The following CEP128 variants were observed in gnomAD, a reference collection of about 807,000 sequenced individuals.
CEP128 encodes the protein centrosomal protein 128.
CEP128 carries 132 observed loss-of-function variants against 156.7 expected under a neutral mutation model. The observed-to-expected ratio is 0.84, with a 90% CI of 0.73 to 0.97. The LOEUF (loss-of-function observed/expected upper bound fraction) is 0.97. Ranked by LOEUF, CEP128 falls within the 50% of genes least tolerant of loss-of-function variation. The pLI is 0.00. For synonymous variants in CEP128, 469 were observed against 448.9 expected (o/e 1.04, Z -0.57); for missense variants, 1,252 against 1,281.9 (o/e 0.98, Z 0.36).
At chr14:80,623,646 C>T (rs1290472468) in intron 19 of CEP128, among the ~76,000 whole-genome samples, 1 of 151,542 alleles carries the variant, frequency 6.6e-6, no homozygotes, top group Admixed American at 6.6e-5. Context: ...GGTCCAATTA[C>T]TATTCCTTTG....
At chr14:80,510,536 T>C (rs975080923) in intron 23 of CEP128, among the ~76,000 whole-genome samples, 2 of 152,094 alleles carry the variant, frequency 1.3e-5, no homozygotes. Context: ...GAAGATCATA[T>C]CATCAGCAAA....
intron 19 of CEP128, among the ~76,000 whole-genome samples, chr14:80,701,886 C>G (rs1031281087): frequency 4.6e-5 from 7 of 152,150 alleles, no homozygotes; most frequent in Non-Finnish European, 8.8e-5. Context: ...AGCCACGATG[C>G]CTTTGCATGG....
At chr14:80,679,979 G>A (rs1896250950) in intron 19 of CEP128, among the ~76,000 whole-genome samples, 1 of 152,156 alleles carries the variant, frequency 6.6e-6, no homozygotes. Flanking sequence ...ATTGGGGGTG[G>A]GTTCCCCCGA....
intron 14 of CEP128, among the ~76,000 whole-genome samples, chr14:80,479,499 A>G (rs1260357635): frequency 2.0e-5 from 3 of 152,182 alleles, no homozygotes; most frequent in Non-Finnish European, 4.4e-5. Context: ...TGATAAACCC[A>G]TTCCAATCTC....
At chr14:80,736,868 T>C (rs1282629926) in intron 19 of CEP128, among the ~76,000 whole-genome samples, 2 of 152,214 alleles carry the variant, frequency 1.3e-5, no homozygotes, top group Non-Finnish European at 2.9e-5. Context: ...ATAGCATCCC[T>C]AGGCATATCG....
intron 20 of CEP128, among the ~76,000 whole-genome samples, chr14:80,565,589 T>C (rs1482010578): frequency 6.6e-6 from 1 of 152,200 alleles, no homozygotes; most frequent in East Asian, 1.9e-4. Flanking sequence ...TAACTAGCCT[T>C]AAGCTGTACA....
chr14:80,915,705 T>G (rs1884508810), intron 3 of CEP128, among the ~76,000 whole-genome samples: 1 of 152,204 alleles, frequency 6.6e-6, no homozygotes, highest in South Asian at 2.1e-4. Context: ...ATGAGTAATT[T>G]CTCTAAAGGC....
chr14:80,668,290 A>C (rs965948840), intron 19 of CEP128, among the ~76,000 whole-genome samples: 4 of 152,244 alleles, frequency 2.6e-5, no homozygotes, highest in African/African-American at 9.6e-5. Flanking sequence ...CTGAAAGAAG[A>C]AAGAAAATTT....
chr14:80,829,987 T>C (rs532372584), intron 13 of CEP128, among the ~76,000 whole-genome samples: 1 of 152,334 alleles, frequency 6.6e-6, no homozygotes, highest in South Asian at 2.1e-4. Flanking sequence ...AATGTGTGGT[T>C]ATGAACATAG....
In CEP128 at chr14:80,777,950, G is replaced by C; in HGVS notation, c.2308C>G (p.Gln770Glu). The C allele has an allele frequency of 6.2e-7, 1 of 1,612,078 alleles. No homozygotes were observed. Among genetic ancestry groups the C allele is most frequent in the East Asian group, 2.2e-5 (1 of 44,772 alleles). ...QCDRLTEELT[Q>E]NENENKKLKL... Reference sequence around the variant, plus strand: ...AGTTTTTTGTTCTCATTTTCATTCTGGGTTAATTCCTCTGTCAGTCTGTCA... The same window carrying C: ...AGTTTTTTGTTCTCATTTTCATTCTCGGTTAATTCCTCTGTCAGTCTGTCA... Residue 770 changes from glutamine to glutamate, a missense_variant, in exon 16 of 25, where the codon CAG becomes GAG. Gln to Glu is a conservative substitution (Grantham distance 29). Coordinates refer to ENST00000555265, the MANE Select transcript of CEP128 (RefSeq NM_152446.5).
At chr14:80,597,950 CAAAAA>C (rs34001813) in intron 19 of CEP128, among the ~76,000 whole-genome samples, 30 of 80,144 alleles carry the variant, frequency 3.7e-4, no homozygotes, top group African/African-American at 1.4e-3. Flanking sequence ...TCCTCAGCTA[CAAAAA>C]AAAAAAAAAA....
intron 19 of CEP128, among the ~76,000 whole-genome samples, chr14:80,690,800 T>C (rs943948743): frequency 6.6e-6 from 1 of 152,190 alleles, no homozygotes. Flanking sequence ...CAAAATCATT[T>C]CATTATATAT....
At chr14:80,497,713 G>A in intron 24 of CEP128, 131 bp from the exon 25 acceptor site, 1 of 639,452 alleles carries the variant, frequency 1.6e-6, no homozygotes. Flanking sequence ...ACTTCACATG[G>A]ACTAACAGAC....
chr14:80,899,764 G>A (rs1163377496), intron 7 of CEP128, among the ~76,000 whole-genome samples, 174 bp downstream of exon 7: 1 of 152,128 alleles, frequency 6.6e-6, no homozygotes, highest in African/African-American at 2.4e-5. Context: ...GTCTAACACT[G>A]AGTCATGATA....
intron 19 of CEP128, among the ~76,000 whole-genome samples, chr14:80,679,523 G>GA (rs1256095808): frequency 6.6e-6 from 1 of 152,114 alleles, no homozygotes; most frequent in Admixed American, 6.5e-5. Flanking sequence ...CTAGGGTGGG[G>GA]AAAAATCCCA....
chr14:80,489,526 T>A (rs1887252882), downstream of CEP128, among the ~76,000 whole-genome samples: 1 of 152,132 alleles, frequency 6.6e-6, no homozygotes, highest in Non-Finnish European at 1.5e-5. Flanking sequence ...GAAGCTGGAC[T>A]CAACCCCAGC....
In CEP128 at chr14:80,822,381, C is replaced by T. The variant is rs147570172; in HGVS notation, c.1209+8762G>A. The T allele has an allele frequency of 7.0e-4, 270 of 387,486 alleles. 4 individuals carry two copies. Among genetic ancestry groups the T allele is most frequent in the African/African-American group, 5.1e-3 (244 of 47,862 alleles). The allele number at this position is 387,486 out of a possible 1,614,324, so 24.0% of individuals were successfully genotyped here. A position where few individuals can be genotyped will look rare whatever the true frequency, so the allele number is the denominator to read the frequency against. On this transcript the variant is annotated intron_variant, in intron 13 of 24. Transcript: ENST00000555265. ...AAACAAAGGGGCTACTGGCCCCATGCAAGTCCAAAATCCAACAGGGAAGTC... is the reference window on the plus strand; with the variant it reads ...AAACAAAGGGGCTACTGGCCCCATGTAAGTCCAAAATCCAACAGGGAAGTC...
At chr14:80,488,684 C>T (rs906840368), downstream of CEP128, among the ~76,000 whole-genome samples, 4 of 152,046 alleles carry the variant, frequency 2.6e-5, no homozygotes, top group African/African-American at 7.2e-5. Context: ...CACATGCACA[C>T]GTATGTTTAT....
Position 80,678,049 on chromosome 14 carries a change from A to ATATATATATATATAT in CEP128, c.2806+65025_2806+65026insATATATATATATATA, listed in dbSNP as rs1555390206. ...ATGGACAGTTGCTCTATAAAAAAAA[A>ATATATATATATATAT]ATATATATATATATGTATATATATA... On this transcript the variant is annotated intron_variant, in intron 19 of 24. Coordinates refer to ENST00000555265, the MANE Select transcript of CEP128 (RefSeq NM_152446.5). 6.3e-4 allele frequency among the ~76,000 whole-genome samples: 62 copies of ATATATATATATATAT among 98,488 alleles called. 2 individuals carry two copies. Among genetic ancestry groups the ATATATATATATATAT allele is most frequent in the African/African-American group, 1.8e-3 (56 of 31,758 alleles). 64.6% of individuals were successfully genotyped at this position (98,488 alleles called of 152,430 possible).
Sources: allele counts gnomAD v4.1 joint callset (sites outside exome capture counted in the v4.1 genomes callset), GRCh38; gene constraint gnomAD v4.1.1; transcripts MANE v1.5; gene names NCBI Gene and HGNC (gene_info 2026-07-23, HGNC 2026-07-21).